The following PEX14 variants were observed in gnomAD, a reference collection of about 807,000 sequenced individuals.
The protein encoded by PEX14 is peroxisomal biogenesis factor 14.
PEX14 carries 15 observed loss-of-function variants against 49.5 expected under a neutral mutation model. That is an observed-to-expected ratio of 0.30 (90% confidence interval 0.20 to 0.47). The LOEUF (loss-of-function observed/expected upper bound fraction) is 0.47, where lower values mean the gene tolerates loss of function less well. PEX14 is among the 20% of genes least tolerant of loss of function. The pLI is 1.00. For missense variants in PEX14, 398 were observed against 494.8 expected (o/e 0.80, Z 1.86); for synonymous variants, 210 against 212.7 (o/e 0.99, Z 0.11).
intron 5 of PEX14, among the ~76,000 whole-genome samples, chr1:10,618,761 A>G (rs571818497): frequency 1.3e-5 from 2 of 152,224 alleles, no homozygotes; most frequent in Non-Finnish European, 2.9e-5. Context: ...GAGACACAGA[A>G]TAACATAATG....
At position 10,629,868 on chromosome 1, in the gene PEX14, G is replaced by A. The variant is rs1570377732; in HGVS notation, c.1015G>A (p.Glu339Lys). 6.2e-7 allele frequency: 1 copy of A among 1,612,618 alleles called. No individual in the cohort carries two copies. ...GGATGATGATGTGAGCCATGTGGACGAGGAGGACTGCCTGGGGGTGCAGAG... is the reference window on the plus strand; with the variant it reads ...GGATGATGATGTGAGCCATGTGGACAAGGAGGACTGCCTGGGGGTGCAGAG... The part of the protein sequence containing the change: ...EEDDDVSHVD[E>K]EDCLGVQRED... The change falls in exon 9 of 9, where the codon GAG becomes AAG. Residue 339 changes from glutamate to lysine, a missense_variant. By Grantham distance (56) the Glu-to-Lys change is moderately conservative. Coordinates refer to ENST00000356607, the MANE Select transcript of PEX14 (RefSeq NM_004565.3). The surrounding 1 kb of genome is among the most constrained non-coding windows in gnomAD (Gnocchi z 8.5).
chr1:10,588,086 G>C (rs551873688), intron 3 of PEX14, among the ~76,000 whole-genome samples: 1 of 151,796 alleles, frequency 6.6e-6, no homozygotes, highest in African/African-American at 2.4e-5. Context: ...TTAGCTGGGC[G>C]TGGTGGTGCC....
chr1:10,542,048 G>T (rs1639031003), intron 3 of PEX14, among the ~76,000 whole-genome samples: 1 of 151,648 alleles, frequency 6.6e-6, no homozygotes, highest in African/African-American at 2.4e-5. Flanking sequence ...CAATGAAAAG[G>T]AAAGTGACAA....
At chr1:10,561,070 C>T (rs1307759202) in intron 3 of PEX14, among the ~76,000 whole-genome samples, 1 of 152,100 alleles carries the variant, frequency 6.6e-6, no homozygotes, top group Non-Finnish European at 1.5e-5. Flanking sequence ...TATACACACA[C>T]ACAAACCCTA....
At chr1:10,563,917 G>A (rs201138182) in intron 3 of PEX14, among the ~76,000 whole-genome samples, 27 of 148,384 alleles carry the variant, frequency 1.8e-4, no homozygotes, top group Non-Finnish European at 1.5e-4. Context: ...TCTCAAAAAA[G>A]AAAAAAAAAA....
chr1:10,561,381 T>C (rs1639649676), intron 3 of PEX14, among the ~76,000 whole-genome samples: 1 of 152,248 alleles, frequency 6.6e-6, no homozygotes, highest in South Asian at 2.1e-4. Flanking sequence ...ATTTTACTTG[T>C]CATTAACATT....
At chr1:10,567,325 C>T (rs1023492329) in intron 3 of PEX14, among the ~76,000 whole-genome samples, 11 of 152,178 alleles carry the variant, frequency 7.2e-5, no homozygotes, top group African/African-American at 2.7e-4. Flanking sequence ...TATATCTGGA[C>T]GTACTCTGTT....
chr1:10,535,931 A>G, intron 2 of PEX14: 1 of 420,568 alleles, frequency 2.4e-6, no homozygotes, highest in Non-Finnish European at 4.5e-6. Context: ...ATGAAGAATC[A>G]GCTCGAATGG....
At chr1:10,593,282 ATCTT>A (rs1239089963) in intron 3 of PEX14, among the ~76,000 whole-genome samples, 1 of 152,190 alleles carries the variant, frequency 6.6e-6, no homozygotes, top group African/African-American at 2.4e-5. Context: ...TTGGTTAGAT[ATCTT>A]TCTTTCTTTC....
chr1:10,559,750 C>G (rs1457003699), intron 3 of PEX14, among the ~76,000 whole-genome samples: 1 of 152,226 alleles, frequency 6.6e-6, no homozygotes, highest in African/African-American at 2.4e-5. Context: ...GACTTCTCTT[C>G]TCTCAGAGGA....
At position 10,618,214 on chromosome 1, in the gene PEX14, T is replaced by C. The variant is rs575976548; in HGVS notation, c.299-118T>C. The C allele has an allele frequency of 2.4e-5, 18 of 746,206 alleles. No individual in the cohort carries two copies. In the Admixed American group the frequency reaches 2.5e-4, roughly 10 times the overall value. The allele number at this position is 746,206 out of a possible 1,614,324, so 46.2% of individuals were successfully genotyped here. On this transcript the variant is annotated intron_variant, in intron 4 of 8. Coordinates refer to ENST00000356607, the MANE Select transcript of PEX14 (RefSeq NM_004565.3). ...TGTGCTGCCTTCCTGCGTTGGAGTGTTCCACTTGCCCATTGTTGGAGGCGA... is the reference window on the plus strand; with the variant it reads ...TGTGCTGCCTTCCTGCGTTGGAGTGCTCCACTTGCCCATTGTTGGAGGCGA...
In PEX14 at chr1:10,613,561, G is replaced by C. The variant is rs1006888030; in HGVS notation, c.299-4771G>C. Among the ~76,000 whole-genome samples the C allele has an allele frequency of 2.0e-5, 3 of 152,204 alleles. No individual in the cohort carries two copies. The highest frequency in any genetic ancestry group is 4.4e-5 in the Non-Finnish European group (3 of 68,034). On this transcript the variant is annotated intron_variant, in intron 4 of 8. Coordinates refer to ENST00000356607, the MANE Select transcript of PEX14 (RefSeq NM_004565.3). This position sits in a 1 kb window ranked among gnomAD's most constrained non-coding sequence, Gnocchi z 5.0. ...GTGCAGGATGAGGATTGCCACCACA[G>C]ATGCCCGTCTCTTCAGCCTTCACAG...
intron 7 of PEX14, 94 bp from the exon 8 acceptor site, chr1:10,627,178 C>A (rs1388699178): frequency 2.4e-6 from 2 of 840,690 alleles, no homozygotes; most frequent in Non-Finnish European, 4.2e-6. Context: ...CCAGAAGGCC[C>A]CACCTGCTGC....
At chr1:10,506,306 C>T (rs1266019288) in intron 2 of PEX14, among the ~76,000 whole-genome samples, 1 of 152,020 alleles carries the variant, frequency 6.6e-6, no homozygotes, top group Non-Finnish European at 1.5e-5. Context: ...GATGGAGTTT[C>T]GCTCTTGTTG....
At chr1:10,563,904 C>T (rs1639727863) in intron 3 of PEX14, among the ~76,000 whole-genome samples, 1 of 125,362 alleles carries the variant, frequency 8.0e-6, no homozygotes, top group Admixed American at 9.2e-5. Context: ...GAGCAAGACT[C>T]GGTCTCAAAA....
chr1:10,499,598 G>A (rs563827635), intron 2 of PEX14, among the ~76,000 whole-genome samples: 7 of 151,956 alleles, frequency 4.6e-5, no homozygotes, highest in South Asian at 2.1e-4. Context: ...ACAGGTACGC[G>A]CCGCCATGCC....
intron 3 of PEX14, chr1:10,536,584 TG>T: frequency 2.4e-6 from 1 of 424,394 alleles, no homozygotes; most frequent in Non-Finnish European, 4.4e-6. Context: ...GATGAGACTG[TG>T]GAGGACTTCT....
At chr1:10,583,813 C>G (rs1261243059) in intron 3 of PEX14, among the ~76,000 whole-genome samples, 1 of 152,012 alleles carries the variant, frequency 6.6e-6, no homozygotes, top group African/African-American at 2.4e-5. Flanking sequence ...GAAAGAGTTT[C>G]AGGAAAAGGG....
chr1:10,485,281 G>A (rs754771650), intron 1 of PEX14, among the ~76,000 whole-genome samples: 1 of 131,054 alleles, frequency 7.6e-6, no homozygotes, highest in South Asian at 2.5e-4. Context: ...AGTGTGTAGT[G>A]TTATTTATTT....
Sources: allele counts gnomAD v4.1 joint callset (sites outside exome capture counted in the v4.1 genomes callset), GRCh38; gene constraint gnomAD v4.1.1; non-coding constraint Gnocchi (gnomAD v3.1); transcripts MANE v1.5; gene names NCBI Gene and HGNC (gene_info 2026-07-23, HGNC 2026-07-21).